Variants in RCC1L observed in about 807,000 individuals in gnomAD.
RCC1L encodes RCC1-like G exchanging factor-like protein.
Under a neutral mutation model 58.6 loss-of-function variants are expected in RCC1L, and 46 were observed. The ratio of observed to expected loss-of-function variants is 0.79; its 90% CI spans 0.62 to 1.00. The LOEUF is 1.00. Among genes scored for constraint, RCC1L ranks in the 50% least tolerant of loss-of-function variants. RCC1L has a pLI of 0.00. For missense variants in RCC1L, 636 were observed against 623.6 expected (o/e 1.02, Z -0.21); for synonymous variants, 281 against 262.9 (o/e 1.07, Z -0.67).
downstream of RCC1L, among the ~76,000 whole-genome samples, chr7:75,041,299 G>A (rs1554442240): frequency 6.6e-6 from 1 of 151,958 alleles, no homozygotes; most frequent in Non-Finnish European, 1.5e-5. Flanking sequence ...TCTCTCAACG[G>A]CCCACAGAAC....
At chr7:75,040,433 C>A (rs1173928222), downstream of RCC1L, among the ~76,000 whole-genome samples, 18 of 152,266 alleles carry the variant, frequency 1.2e-4, no homozygotes, top group Admixed American at 1.1e-3. Flanking sequence ...GCACTCCAGC[C>A]TGGGCAACAG....
chr7:75,053,441 CA>C (rs1805982295), intron 9 of RCC1L, among the ~76,000 whole-genome samples: 2 of 152,224 alleles, frequency 1.3e-5, no homozygotes, highest in East Asian at 3.8e-4. Context: ...GACAATTTGT[CA>C]TTCCTGGATT....
chr7:75,060,015 G>C (rs1402278647), intron 6 of RCC1L, among the ~76,000 whole-genome samples: 3 of 152,032 alleles, frequency 2.0e-5, no homozygotes, highest in Non-Finnish European at 2.9e-5. Flanking sequence ...ACCTGCCTAG[G>C]CCTCCCAAAG....
At chr7:75,045,793 C>T (rs1329223253) in intron 10 of RCC1L, among the ~76,000 whole-genome samples, 1 of 152,196 alleles carries the variant, frequency 6.6e-6, no homozygotes, top group East Asian at 1.9e-4. Flanking sequence ...GGATTACAGG[C>T]GTGAGCCGCT....
rs1805187448 is a variant in RCC1L, at chr7:75,028,069, G to A, written c.1328C>T (p.Pro443Leu). 3.3e-6 allele frequency: 5 copies of A among 1,533,630 alleles called. No homozygotes were observed. In the South Asian group the frequency reaches 4.8e-5, roughly 15 times the overall value. ...GCCTGTTGTCTTGGCGCTGGCGGATGGGGCAGGTGCCTGGCGGGGGAGGAA... is the reference window on the plus strand; with the variant it reads ...GCCTGTTGTCTTGGCGCTGGCGGATAGGGCAGGTGCCTGGCGGGGGAGGAA... Residue 443 changes from proline to leucine, a missense_variant, in exon 11 of 11, where the codon CCA (proline) becomes CTA (leucine). By Grantham distance (98) the Pro-to-Leu change is moderately conservative. Transcript: ENST00000614461.
intron 10 of RCC1L, among the ~76,000 whole-genome samples, chr7:75,035,899 G>A (rs1345727723): frequency 6.6e-6 from 1 of 151,964 alleles, no homozygotes; most frequent in Non-Finnish European, 1.5e-5. Context: ...CAGCCACTTA[G>A]GAGGCTGAGA....
intron 9 of RCC1L, 186 bp downstream of exon 9, chr7:75,055,715 G>C: frequency 1.5e-6 from 1 of 686,788 alleles, no homozygotes; most frequent in Non-Finnish European, 2.5e-6. Flanking sequence ...TCCAGGGGGG[G>C]AAAACAAGAC....
At chr7:75,049,763 C>T (rs1482324624) in intron 10 of RCC1L, among the ~76,000 whole-genome samples, 1 of 152,004 alleles carries the variant, frequency 6.6e-6, no homozygotes, top group African/African-American at 2.4e-5. Flanking sequence ...CCTGTAATCC[C>T]AGCTACTCGG....
rs1170321004 is a variant in RCC1L, at chr7:75,042,382, T to C, written c.*650A>G. On this transcript the variant is annotated 3_prime_UTR_variant, in exon 11 of 11. Coordinates refer to ENST00000610322, the MANE Select transcript of RCC1L (RefSeq NM_030798.5). ...GCAGAGGAACTTGGCCTCGATTCTC[T>C]TCCTGAGGGGCTTCTTAACTTTTCC... is the stretch of plus-strand genomic sequence containing the variant. 12 of 985,816 alleles carry C rather than the reference T, an allele frequency of 1.2e-5. No homozygotes were observed. Among genetic ancestry groups the C allele is most frequent in the Non-Finnish European group, 1.4e-5 (12 of 830,300 alleles). 61.1% of individuals were successfully genotyped at this position (985,816 alleles called of 1,614,324 possible).
At chr7:75,073,256 C>A (rs1806831498) in intron 1 of RCC1L, among the ~76,000 whole-genome samples, 158 bp downstream of exon 1, 1 of 152,386 alleles carries the variant, frequency 6.6e-6, no homozygotes, top group Non-Finnish European at 1.5e-5. Flanking sequence ...CCACCCCTAA[C>A]GCCTTCCCCT....
At chr7:75,048,459 G>A (rs1271265341) in intron 10 of RCC1L, among the ~76,000 whole-genome samples, 11 of 152,196 alleles carry the variant, frequency 7.2e-5, no homozygotes, top group Non-Finnish European at 1.3e-4. Flanking sequence ...TACCCAATGA[G>A]CTCAGGGGCC....
chr7:75,041,825 C>T (rs1318064792), downstream of RCC1L, among the ~76,000 whole-genome samples: 1 of 146,976 alleles, frequency 6.8e-6, no homozygotes, highest in East Asian at 2.0e-4. Flanking sequence ...GATCATGTTG[C>T]TGCACTCCAG....
At chr7:75,048,079 C>T (rs1385502697) in intron 10 of RCC1L, among the ~76,000 whole-genome samples, 1 of 149,984 alleles carries the variant, frequency 6.7e-6, no homozygotes, top group Non-Finnish European at 1.5e-5. Flanking sequence ...CCAGCCTGGG[C>T]AACATGGTGA....
At chr7:75,063,440 T>G in intron 4 of RCC1L, 97 bp from the exon 5 acceptor site, 1 of 1,241,792 alleles carries the variant, frequency 8.1e-7, no homozygotes, top group Admixed American at 1.7e-5. Flanking sequence ...GCCCGTCCCC[T>G]CCGCTCACAC....
intron 9 of RCC1L, among the ~76,000 whole-genome samples, chr7:75,054,396 A>G (rs1048048720): frequency 3.3e-5 from 5 of 152,186 alleles, no homozygotes; most frequent in African/African-American, 1.2e-4. Context: ...AGTCTCGGGG[A>G]GAAATCCAGA....
intron 10 of RCC1L, among the ~76,000 whole-genome samples, chr7:75,051,169 C>T (rs1805890974): frequency 7.1e-6 from 1 of 140,480 alleles, no homozygotes; most frequent in African/African-American, 2.6e-5. Flanking sequence ...CACCGATAGT[C>T]TTGGAAAAAA....
rs1584496219 is a variant in RCC1L, at chr7:75,055,988, G to A, written c.1144C>T (p.Pro382Ser). ...AACTCCGTCAAGCCAAAGAGAGTGG[G>A]TGGAATCATTTCAGGGACGGCACTT... is the stretch of plus-strand genomic sequence containing the variant. ...VESAVPEMIPPTLFGLTEFNP... is the reference protein window; with the variant it reads ...VESAVPEMIPSTLFGLTEFNP... The change falls in exon 9 of 11, where the codon CCC becomes TCC. Residue 382 changes from proline to serine, a missense_variant. Coordinates refer to ENST00000610322, the MANE Select transcript of RCC1L (RefSeq NM_030798.5). 3.1e-6 allele frequency: 5 copies of A among 1,613,950 alleles called. No individual in the cohort carries two copies. Among genetic ancestry groups the A allele is most frequent in the Non-Finnish European group, 2.5e-6 (3 of 1,179,872 alleles).
chr7:75,043,193 C>G, intron 10 of RCC1L, 84 bp from the exon 11 acceptor site: 1 of 1,488,166 alleles, frequency 6.7e-7, no homozygotes, highest in East Asian at 2.3e-5. Flanking sequence ...CCCGGCCCTG[C>G]CTCTCAGTAG....
intron 4 of RCC1L, 71 bp downstream of exon 4, chr7:75,064,509 CCA>C (rs1806390692): frequency 1.3e-5 from 21 of 1,576,756 alleles, no homozygotes; most frequent in Non-Finnish European, 1.7e-5. Context: ...CGCGGGTTTA[CCA>C]CAGTCATCTC....
Sources: gnomAD v4.1 joint callset for allele counts (sites outside exome capture counted in the v4.1 genomes callset) on GRCh38, gnomAD v4.1.1 for gene constraint, MANE v1.5 for transcripts, NCBI Gene and HGNC (gene_info 2026-07-23, HGNC 2026-07-21) for gene names.